ACOT2: variants seen among roughly 807,000 people sequenced by gnomAD.
The protein encoded by ACOT2 is acyl-coenzyme A thioesterase 2, mitochondrial.
A neutral mutation model predicts 20.1 loss-of-function variants in ACOT2; 15 were observed. The observed-to-expected ratio is 0.75, with a 90% CI of 0.50 to 1.15. The LOEUF (loss-of-function observed/expected upper bound fraction) is 1.15, where lower values mean the gene tolerates loss of function less well. ACOT2 is among the 50% of genes most tolerant of loss of function. The pLI is 0.00. For missense variants in ACOT2, 479 were observed against 615.3 expected, an observed-to-expected ratio of 0.78 and a Z score of 2.34; for synonymous variants, 252 against 268.4, an observed-to-expected ratio of 0.94 and a Z score of 0.60.
Position 73,574,915 on chromosome 14 carries a change from G to T in ACOT2, c.854G>T (p.Gly285Val). The T allele has an allele frequency of 6.2e-7, 1 of 1,612,550 alleles. No individual in the cohort carries two copies. Among genetic ancestry groups the T allele is most frequent in the Non-Finnish European group, 8.5e-7 (1 of 1,179,180 alleles). The change falls in exon 3 of 3, where the codon GGT becomes GTT. Residue 285 changes from glycine to valine, a missense_variant. Around this residue, in one of 4 missense-constraint regions of ACOT2, gnomAD observed 400 missense variants for 395.5 expected, o/e 1.01. Transcript: ENST00000238651. ...CCTTTGTCCCTTTCTCAGGTAAAAGGTCCAGGAGTTGGGCTGCTTGGAATT... is the reference window on the plus strand; with the variant it reads ...CCTTTGTCCCTTTCTCAGGTAAAAGTTCCAGGAGTTGGGCTGCTTGGAATT... ...NYLLSHPEVK[G>V]PGVGLLGISK... is the part of the protein sequence containing the mutation.
chr14:73,574,506 A>C (rs549837279), intron 2 of ACOT2: 21 of 348,528 alleles, frequency 6.0e-5, no homozygotes, highest in Non-Finnish European at 1.0e-4. Context: ...CAAATGATCC[A>C]CCCGCCTCAG....
chr14:73,573,563 C>A lies in ACOT2; in HGVS notation c.819C>A (p.Ala273=). 2 of 1,613,696 alleles carry A rather than the reference C, an allele frequency of 1.2e-6. No individual in the cohort carries two copies. The highest frequency in any genetic ancestry group is 1.7e-6 in the Non-Finnish European group (2 of 1,179,714). Residue 273 remains alanine (A), a synonymous_variant, in exon 2 of 3, where the codon GCC becomes GCA. Transcript: ENST00000238651. ...ETLHLEYFEE[A]MNYLLSHPEV... is the part of the protein sequence containing the mutation. ...TCCATCTGGAGTACTTTGAAGAAGC[C>A]ATGAACTACTTGCTCAGTCATCCCG...
At chr14:73,568,481 C>T (rs1256637430), upstream of ACOT2, among the ~76,000 whole-genome samples, 1 of 151,760 alleles carries the variant, frequency 6.6e-6, no homozygotes, top group African/African-American at 2.4e-5. Context: ...ATGGCTTGAG[C>T]ACCAGGAGTT....
chr14:73,569,366 G>A lies in ACOT2; in HGVS notation c.126G>A (p.Ala42=), dbSNP rs781388023. The change falls in exon 1 of 3, where the codon GCG becomes GCA. Residue 42 remains alanine (A), a synonymous_variant. Coordinates refer to ENST00000238651, the MANE Select transcript of ACOT2 (RefSeq NM_006821.6). The part of the protein sequence containing the change: ...RLYQWSLKSS[A]QFLGSPQLRQ... ...ACCAATGGAGCCTGAAGAGTTCGGC[G>A]CAGTTCCTGGGGTCTCCACAGCTGA... The A allele has an allele frequency of 1.2e-6, 2 of 1,613,968 alleles. No homozygotes were observed. The highest frequency in any genetic ancestry group is 2.2e-5 in the East Asian group (1 of 44,890).
In ACOT2 at chr14:73,569,393, G is replaced by A. The variant is rs1303550038; in HGVS notation, c.153G>A (p.Arg51=). The change falls in exon 1 of 3, where the codon AGG becomes AGA. Residue 51 remains arginine, a synonymous_variant. Coordinates refer to ENST00000238651, the MANE Select transcript of ACOT2 (RefSeq NM_006821.6). ...AGTTCCTGGGGTCTCCACAGCTGAG[G>A]CAGGTTGGTCAGATCATTAGGGTTC... The part of the protein sequence containing the change: ...SAQFLGSPQL[R]QVGQIIRVPA... 4 of 1,613,876 alleles carry A rather than the reference G, an allele frequency of 2.5e-6. No individual in the cohort carries two copies. Among genetic ancestry groups the A allele is most frequent in the African/African-American group, 2.7e-5 (2 of 74,936 alleles).
rs1889680106 is a variant in ACOT2 at position 73,569,814 on chromosome 14, C to T, written c.574C>T (p.Leu192Phe). Residue 192 changes from leucine (L) to phenylalanine (F), a missense_variant, in exon 1 of 3, where the codon CTC becomes TTC. This residue lies in a region of ACOT2 where 400 missense variants were observed against 395.5 expected (regional missense o/e 1.01). Transcript: ENST00000238651. ...LCQTRHERYFLPPGVRREPVR... is the reference protein window; with the variant it reads ...LCQTRHERYFFPPGVRREPVR... ...CCAGACGCGGCACGAGCGCTACTTC[C>T]TCCCGCCCGGGGTGCGGCGCGAGCC... The T allele has an allele frequency of 1.2e-6, 2 of 1,600,768 alleles. No homozygotes were observed. The highest frequency in any genetic ancestry group is 1.1e-5 in the South Asian group (1 of 90,030).
chr14:73,571,765 T>C (rs925280765), intron 1 of ACOT2: 10 of 152,092 alleles, frequency 6.6e-5, no homozygotes, highest in South Asian at 2.1e-4. Context: ...TTTAAAAGTT[T>C]CTCATTTTTG....
intron 2 of ACOT2, among the ~76,000 whole-genome samples, 168 bp downstream of exon 2, chr14:73,573,758 C>T (rs1399419715): frequency 6.6e-6 from 1 of 151,602 alleles, no homozygotes; most frequent in African/African-American, 2.4e-5. Flanking sequence ...GATGGAGTCT[C>T]ACTCTGTTGC....
intron 1 of ACOT2, among the ~76,000 whole-genome samples, chr14:73,570,720 C>G (rs1014068204): frequency 1.3e-5 from 2 of 151,974 alleles, no homozygotes; most frequent in East Asian, 3.9e-4. Context: ...GCCTGGCCAA[C>G]ATGGTGAAAC....
chr14:73,568,148 G>A (rs1889637830), upstream of ACOT2: 1 of 152,034 alleles, frequency 6.6e-6, no homozygotes, highest in African/African-American at 2.4e-5. Context: ...AACTGACAGG[G>A]AATTGTATGA....
rs144085606 is a variant in ACOT2 at position 73,569,303 on chromosome 14, G to T, written c.63G>T (p.Met21Ile). The T allele has an allele frequency of 1.2e-4, 187 of 1,613,760 alleles. 1 individual carries two copies. The highest frequency in any genetic ancestry group is 1.5e-4 in the Non-Finnish European group (180 of 1,179,776). The change falls in exon 1 of 3, where the codon ATG becomes ATT. Residue 21 changes from methionine to isoleucine, a missense_variant. Transcript: ENST00000238651. ...HSVVLRSEFKMASSPAVLRAS... is the reference protein window; with the variant it reads ...HSVVLRSEFKIASSPAVLRAS... ...TTGTTCTCAGGTCTGAATTCAAAATGGCCTCATCTCCTGCTGTCCTTCGAG... is the reference window on the plus strand; with the variant it reads ...TTGTTCTCAGGTCTGAATTCAAAATTGCCTCATCTCCTGCTGTCCTTCGAG...
rs775410758 is a variant in ACOT2 at position 73,569,860 on chromosome 14, G to C, written c.620G>C (p.Arg207Pro). 1 of 1,605,130 alleles carries C rather than the reference G, an allele frequency of 6.2e-7. No individual in the cohort carries two copies. Among genetic ancestry groups the C allele is most frequent in the Non-Finnish European group, 8.5e-7 (1 of 1,176,308 alleles). Reference sequence around the variant, plus strand: ...GAGCCGGTGCGCGTGGGCCGGGTGCGAGGCACGCTCTTCCTGCCGCCAGGT... The same window carrying C: ...GAGCCGGTGCGCGTGGGCCGGGTGCCAGGCACGCTCTTCCTGCCGCCAGGT... ...RREPVRVGRV[R>P]GTLFLPPEPG... Residue 207 changes from arginine (R) to proline (P), a missense_variant, in exon 1 of 3, where the codon CGA (arginine) becomes CCA (proline). Arg to Pro is a moderately radical substitution (Grantham distance 103). Around this residue, in one of 4 missense-constraint regions of ACOT2, gnomAD observed 400 missense variants for 395.5 expected, o/e 1.01. Coordinates refer to ENST00000238651, the MANE Select transcript of ACOT2 (RefSeq NM_006821.6).
At chr14:73,574,825 C>T (rs529976144) in intron 2 of ACOT2, 83 bp from the exon 3 acceptor site, 1 of 1,602,128 alleles carries the variant, frequency 6.2e-7, no homozygotes, top group South Asian at 1.1e-5. Context: ...TCAGGTTCAA[C>T]TAACTTCCAG....
Position 73,569,574 on chromosome 14 carries a change from G to A in ACOT2, c.334G>A (p.Ala112Thr), listed in dbSNP as rs771839909. 4 of 1,598,936 alleles carry A rather than the reference G, an allele frequency of 2.5e-6. No homozygotes were observed. The East Asian group carries it at 9.0e-5, about 36-fold the overall frequency. The change falls in exon 1 of 3, where the codon GCG becomes ACG. Residue 112 changes from alanine (A) to threonine (T), a missense_variant. Ala to Thr is a moderately conservative substitution (Grantham distance 58). Around this residue, in one of 4 missense-constraint regions of ACOT2, gnomAD observed 400 missense variants for 395.5 expected, o/e 1.01. Transcript: ENST00000238651. ...DEKGALFQAH[A>T]RYRADTLGEL... is the part of the protein sequence containing the mutation. ...GAAGGGCGCGCTTTTCCAGGCCCAC[G>A]CGCGCTACCGCGCCGACACTCTTGG...
rs1474081713 is a variant in ACOT2, at chr14:73,569,894, T to C, written c.643+11T>C. On this transcript the variant is annotated intron_variant, in intron 1 of 2. Coordinates refer to ENST00000238651, the MANE Select transcript of ACOT2 (RefSeq NM_006821.6). ...TCTTCCTGCCGCCAGGTGACTCACC[T>C]CCGCTAATTGTTCCGTGTTCGTTCG... is the stretch of plus-strand genomic sequence containing the variant. 1.9e-6 allele frequency: 3 copies of C among 1,600,398 alleles called. No individual in the cohort carries two copies. In the African/African-American group the frequency reaches 4.0e-5, roughly 22 times the overall value.
At position 73,569,839 on chromosome 14, in the gene ACOT2, C is replaced by A. The variant is rs755214138; in HGVS notation, c.599C>A (p.Pro200Gln). ...YFLPPGVRREPVRVGRVRGTL... is the reference protein window; with the variant it reads ...YFLPPGVRREQVRVGRVRGTL... ...CTCCCGCCCGGGGTGCGGCGCGAGC[C>A]GGTGCGCGTGGGCCGGGTGCGAGGC... Residue 200 changes from proline (P) to glutamine (Q), a missense_variant, in exon 1 of 3, where the codon CCG becomes CAG. Pro to Gln is a moderately conservative substitution (Grantham distance 76). Coordinates refer to ENST00000238651, the MANE Select transcript of ACOT2 (RefSeq NM_006821.6). 2 of 1,604,490 alleles carry A rather than the reference C, an allele frequency of 1.2e-6. No individual in the cohort carries two copies. Among genetic ancestry groups the A allele is most frequent in the Non-Finnish European group, 1.7e-6 (2 of 1,176,034 alleles).
upstream of ACOT2, among the ~76,000 whole-genome samples, chr14:73,568,867 A>T (rs1345233789): frequency 6.6e-6 from 1 of 152,068 alleles, no homozygotes; most frequent in Non-Finnish European, 1.5e-5. Flanking sequence ...GCAAAACACC[A>T]TGGTGCAGAT....
chr14:73,569,554 G>T lies in ACOT2; in HGVS notation c.314G>T (p.Gly105Val). ...CGCGCGTCCCTGCGCGACGAGAAGG[G>T]CGCGCTTTTCCAGGCCCACGCGCGC... Reference protein sequence around the residue: ...TLRASLRDEKGALFQAHARYR... With the variant: ...TLRASLRDEKVALFQAHARYR... Residue 105 changes from glycine to valine, a missense_variant, in exon 1 of 3, where the codon GGC becomes GTC. By Grantham distance (109) the Gly-to-Val change is moderately radical. This residue lies in a region of ACOT2 where 400 missense variants were observed against 395.5 expected (regional missense o/e 1.01). Transcript: ENST00000238651. 3 of 1,602,998 alleles carry T rather than the reference G, an allele frequency of 1.9e-6. No homozygotes were observed. The highest frequency in any genetic ancestry group is 2.7e-5 in the African/African-American group (2 of 74,788).
At chr14:73,571,446 C>T (rs1239200402) in intron 1 of ACOT2, 2 of 151,890 alleles carry the variant, frequency 1.3e-5, no homozygotes, top group Non-Finnish European at 2.9e-5. Flanking sequence ...GCATGTGCTT[C>T]ATCTCTTGCA....
Sources: gnomAD v4.1 joint callset for allele counts (sites outside exome capture counted in the v4.1 genomes callset) on GRCh38, gnomAD v4.1.1 for gene constraint, gnomAD v4.1.1 regional missense constraint, MANE v1.5 for transcripts, NCBI Gene and HGNC (gene_info 2026-07-23, HGNC 2026-07-21) for gene names.